The following PDE7B variants were observed in gnomAD, a reference collection of about 807,000 sequenced individuals.
The protein encoded by PDE7B is 3',5'-cyclic-AMP phosphodiesterase 7B.
Under a neutral mutation model 56.2 loss-of-function variants are expected in PDE7B, and 29 were observed. That is an observed-to-expected ratio of 0.52 (90% CI 0.38 to 0.70). The LOEUF (loss-of-function observed/expected upper bound fraction) is 0.70. PDE7B is among the 30% of genes least tolerant of loss of function. The pLI is 0.00. For missense variants in PDE7B, 490 were observed against 565.0 expected, an observed-to-expected ratio of 0.87 and a Z score of 1.35; for synonymous variants, 197 against 196.9, an observed-to-expected ratio of 1.00 and a Z score of 0.00.
intron 2 of PDE7B, among the ~76,000 whole-genome samples, chr6:136,107,034 G>A (rs146045439): frequency 7.4e-4 from 112 of 152,192 alleles, no homozygotes; most frequent in African/African-American, 2.4e-3. Flanking sequence ...ACAAAGCATT[G>A]AAGAAGGCAC....
Position 136,173,985 on chromosome 6 carries a change from G to A in PDE7B, c.803+97G>A, listed in dbSNP as rs6936240. On this transcript the variant is annotated intron_variant, in intron 9 of 12. Transcript: ENST00000308191. ...TGGGACCTTTTGCGTGAATGGCAGA[G>A]AGCCCCCCGGCTGTACTTCCTGCCT... The A allele has an allele frequency of 0.029, 23,949 of 815,136 alleles. 3,705 individuals are homozygous for A. In the African/African-American group the frequency reaches 0.35, roughly 12 times the overall value. 50.5% of individuals were successfully genotyped at this position (815,136 alleles called of 1,614,324 possible).
At chr6:135,934,040 G>C (rs1774344980) in intron 1 of PDE7B, among the ~76,000 whole-genome samples, 1 of 152,002 alleles carries the variant, frequency 6.6e-6, no homozygotes, top group Admixed American at 6.6e-5. Context: ...ACCTCTATTT[G>C]GTATTTGCAT....
chr6:135,992,661 T>C (rs1775497099), intron 2 of PDE7B, among the ~76,000 whole-genome samples: 1 of 152,224 alleles, frequency 6.6e-6, no homozygotes, highest in South Asian at 2.1e-4. Context: ...GGATGGTTTA[T>C]ATTCAGGATA....
chr6:135,881,218 C>A (rs978560556), intron 1 of PDE7B, among the ~76,000 whole-genome samples: 1 of 151,948 alleles, frequency 6.6e-6, no homozygotes, highest in East Asian at 1.9e-4. Flanking sequence ...CAGTAAGGGG[C>A]CAGGCACGGT....
chr6:135,953,855 T>C (rs142572283), intron 2 of PDE7B, among the ~76,000 whole-genome samples: 1 of 152,308 alleles, frequency 6.6e-6, no homozygotes, highest in East Asian at 1.9e-4. Flanking sequence ...CGTTTTCAAG[T>C]TGCTCGATTT....
intron 2 of PDE7B, among the ~76,000 whole-genome samples, chr6:135,966,664 G>C (rs1775002529): frequency 6.6e-6 from 1 of 152,062 alleles, no homozygotes; most frequent in Non-Finnish European, 1.5e-5. Flanking sequence ...TGAGAACCAT[G>C]GACTGACCCA....
intron 2 of PDE7B, among the ~76,000 whole-genome samples, chr6:136,098,496 T>G (rs1052907053): frequency 1.3e-5 from 2 of 152,186 alleles, no homozygotes; most frequent in African/African-American, 4.8e-5. Flanking sequence ...CAGTAAATGA[T>G]TTTCTTTCAA....
At chr6:136,178,176 G>T (rs1243807733) in intron 9 of PDE7B, among the ~76,000 whole-genome samples, 1 of 152,210 alleles carries the variant, frequency 6.6e-6, no homozygotes, top group Non-Finnish European at 1.5e-5. Context: ...AAGGAAAGGG[G>T]ATGTGATGAG....
intron 1 of PDE7B, among the ~76,000 whole-genome samples, chr6:135,905,572 T>G (rs1776084673): frequency 6.6e-6 from 1 of 152,190 alleles, no homozygotes; most frequent in Non-Finnish European, 1.5e-5. Flanking sequence ...TTTTGGATTA[T>G]TGTAATTTAT....
chr6:136,073,078 G>C (rs565142538), intron 2 of PDE7B, among the ~76,000 whole-genome samples: 1 of 152,068 alleles, frequency 6.6e-6, no homozygotes, highest in Admixed American at 6.5e-5. Flanking sequence ...GCCTGCTCTC[G>C]GGGCTAAGGA....
chr6:136,179,297 C>T (rs1311741649), intron 10 of PDE7B, among the ~76,000 whole-genome samples, 156 bp downstream of exon 10: 1 of 152,072 alleles, frequency 6.6e-6, no homozygotes, highest in Non-Finnish European at 1.5e-5. Context: ...GCTATGATTG[C>T]ACCACTGCAC....
At chr6:136,080,171 C>T (rs1276590799) in intron 2 of PDE7B, among the ~76,000 whole-genome samples, 1 of 152,146 alleles carries the variant, frequency 6.6e-6, no homozygotes, top group Non-Finnish European at 1.5e-5. Context: ...CTCTAGAGAA[C>T]AGGATGCAAA....
At chr6:136,120,841 C>T (rs1777921363) in intron 3 of PDE7B, among the ~76,000 whole-genome samples, 1 of 152,116 alleles carries the variant, frequency 6.6e-6, no homozygotes, top group African/African-American at 2.4e-5. Flanking sequence ...CCTGGCTCAG[C>T]CTTGGTCATC....
intron 2 of PDE7B, among the ~76,000 whole-genome samples, chr6:135,996,439 A>G (rs1775565820): frequency 6.6e-6 from 1 of 152,232 alleles, no homozygotes; most frequent in South Asian, 2.1e-4. Context: ...TAACTTACAT[A>G]TTGTATAGAC....
intron 1 of PDE7B, among the ~76,000 whole-genome samples, chr6:135,895,738 TTG>T (rs1250055332): frequency 1.2e-4 from 18 of 152,064 alleles, no homozygotes; most frequent in Admixed American, 7.9e-4. Context: ...AAGGCTTCTG[TTG>T]TGTAGTACAG....
chr6:136,123,036 T>C (rs1012173487), intron 3 of PDE7B, among the ~76,000 whole-genome samples: 1 of 152,164 alleles, frequency 6.6e-6, no homozygotes, highest in Non-Finnish European at 1.5e-5. Flanking sequence ...GCTCTTACAG[T>C]GGAAAGTGAA....
chr6:136,138,525 G>A (rs1778255349), intron 3 of PDE7B, among the ~76,000 whole-genome samples: 1 of 151,854 alleles, frequency 6.6e-6, no homozygotes, highest in African/African-American at 2.4e-5. Flanking sequence ...TTTTTTCTTG[G>A]ATTGTTGCAC....
At position 136,043,392 on chromosome 6, in the gene PDE7B, G is replaced by T. The variant is rs183404925; in HGVS notation, c.83-65339G>T. ...TCTAAGTCCATAAGAGAGGCTAAGG[G>T]TGCCAGAGTGTGGTTGCAATGTTGA... On this transcript the variant is annotated intron_variant, in intron 2 of 12. Coordinates refer to ENST00000308191, the MANE Select transcript of PDE7B (RefSeq NM_018945.4). 2.6e-5 allele frequency among the ~76,000 whole-genome samples: 4 copies of T among 152,010 alleles called. No individual in the cohort carries two copies. The East Asian group carries it at 7.7e-4, about 29-fold the overall frequency.
chr6:136,060,857 A>G (rs1776825742), intron 2 of PDE7B, among the ~76,000 whole-genome samples: 1 of 152,128 alleles, frequency 6.6e-6, no homozygotes, highest in South Asian at 2.1e-4. Flanking sequence ...CATTTGCTTC[A>G]TTTGATATAT....
Sources: allele counts gnomAD v4.1 joint callset (sites outside exome capture counted in the v4.1 genomes callset), GRCh38; gene constraint gnomAD v4.1.1; transcripts MANE v1.5; gene names NCBI Gene and HGNC (gene_info 2026-07-23, HGNC 2026-07-21).